Variants in CD7 observed in about 807,000 individuals in gnomAD.
CD7 encodes the protein T-cell antigen CD7.
A neutral mutation model predicts 17.6 loss-of-function variants in CD7; 19 were observed. The observed-to-expected ratio is 1.08, with a 90% CI of 0.75 to 1.58. The LOEUF is 1.58. Ranked by LOEUF, CD7 falls within the 40% of genes most tolerant of loss-of-function variation. The pLI, the probability that CD7 is intolerant of heterozygous loss-of-function variation, is 0.00. For missense variants in CD7, 291 were observed against 327.1 expected (o/e 0.89, Z 0.85); for synonymous variants, 160 against 159.8 (o/e 1.00, Z -0.01).
intron 1 of CD7, 37 bp downstream of exon 1, chr17:82,317,377 T>G (rs3176829): frequency 6.5e-7 from 1 of 1,533,480 alleles, no homozygotes; most frequent in Non-Finnish European, 8.8e-7. Flanking sequence ...GGGAGAGCTC[T>G]GGAGCTGTGG....
Position 82,316,821 on chromosome 17 carries a change from G to T in CD7, c.243C>A (p.Asp81Glu), listed in dbSNP as rs754450176. ...AGTCGATGCGGCCCCGGAACCGTCT[G>T]TCCGTAGTGGGCACCACCCCGTCCT... ...YYEDGVVPTTDRRFRGRIDFS... is the reference protein window; with the variant it reads ...YYEDGVVPTTERRFRGRIDFS... The change falls in exon 2 of 4, where the codon GAC becomes GAA. Residue 81 changes from aspartate to glutamate, a missense_variant. Physicochemically the swap from Asp to Glu is conservative, Grantham distance 45 (BLOSUM62 2). Transcript: ENST00000312648. 18 of 1,613,894 alleles carry T rather than the reference G, an allele frequency of 1.1e-5. No individual in the cohort carries two copies. Among genetic ancestry groups the T allele is most frequent in the Non-Finnish European group, 1.5e-5 (18 of 1,180,016 alleles).
In CD7 at chr17:82,316,751, G is replaced by A; in HGVS notation, c.313C>T (p.Gln105Ter). The change falls in exon 2 of 4, where the codon CAG (glutamine) becomes TAG (stop). Residue 105 changes from glutamine to a stop codon, truncating the protein, a stop_gained. Transcript: ENST00000312648. LOFTEE classifies it high-confidence loss of function. ...GTGTAGGTGCCAGTGTCCGACAGCT[G>A]CAGGCGGTGCATGGTGATAGTCAGG... ...DNLTITMHRLQLSDTGTYTCQ... is the reference protein window; with the variant it reads ...DNLTITMHRL 6.2e-7 allele frequency: 1 copy of A among 1,613,794 alleles called. No homozygotes were observed. The highest frequency in any genetic ancestry group is 8.5e-7 in the Non-Finnish European group (1 of 1,179,966).
chr17:82,316,419 A>G lies in CD7; in HGVS notation c.398-10T>C. On this transcript the variant is annotated splice_polypyrimidine_tract_variant and intron_variant, in intron 2 of 3. Coordinates refer to ENST00000312648, the MANE Select transcript of CD7 (RefSeq NM_006137.7). ...CCTTGGGACTGTTCCTCTGAGAAGG[A>G]AAAAAGAAGGAAGGGATTCTCCCGG... 1 of 1,550,452 alleles carries G rather than the reference A, an allele frequency of 6.4e-7. No homozygotes were observed. Among genetic ancestry groups the G allele is most frequent in the Non-Finnish European group, 8.7e-7 (1 of 1,148,850 alleles).
intron 3 of CD7, 64 bp downstream of exon 3, chr17:82,316,131 C>G (rs557283669): frequency 1.5e-5 from 22 of 1,492,890 alleles, no homozygotes; most frequent in Middle Eastern, 1.8e-4. Flanking sequence ...TGGCGCCCCC[C>G]ACGCTGCTCT....
In CD7 at chr17:82,316,694, C is replaced by G. The variant is rs375313424; in HGVS notation, c.370G>C (p.Gly124Arg). The change falls in exon 2 of 4, where the codon GGC becomes CGC. Residue 124 changes from glycine to arginine, a missense_variant. Gly to Arg is a moderately radical substitution (Grantham distance 125). Coordinates refer to ENST00000312648, the MANE Select transcript of CD7 (RefSeq NM_006137.7). ...GTCACCAGGACCAGGGTGCCGGAGC[C>G]GTAGACATTGACCTCCGTGATGGCC... The part of the protein sequence containing the change: ...CQAITEVNVY[G>R]SGTLVLVTEE... 1.2e-4 allele frequency: 201 copies of G among 1,612,908 alleles called. 3 individuals are homozygous for G. The South Asian group carries it at 2.1e-3, about 17-fold the overall frequency.
intron 3 of CD7, chr17:82,315,648 G>A: frequency 3.5e-6 from 2 of 564,312 alleles, no homozygotes; most frequent in Non-Finnish European, 6.4e-6. Context: ...AGTGGAAGTG[G>A]CTTGGACCCC....
chr17:82,315,092 G>A lies in CD7; in HGVS notation c.*229C>T. The A allele has an allele frequency of 2.0e-6, 1 of 507,878 alleles. No individual in the cohort carries two copies. The highest frequency in any genetic ancestry group is 3.6e-6 in the Non-Finnish European group (1 of 276,498). The allele number at this position is 507,878 out of a possible 1,614,324, so 31.5% of individuals were successfully genotyped here. ...CAGGCTTCCTCCCGGTGGCGGCGTG[G>A]GCTGGGCAGGGAAGGCTTCCCGGAG... On this transcript the variant is annotated 3_prime_UTR_variant, in exon 4 of 4. Coordinates refer to ENST00000312648, the MANE Select transcript of CD7 (RefSeq NM_006137.7).
chr17:82,316,215 A>G lies in CD7; in HGVS notation c.592T>C (p.Cys198Arg). 6.4e-7 allele frequency: 1 copy of G among 1,563,930 alleles called. No homozygotes were observed. The highest frequency in any genetic ancestry group is 8.7e-7 in the Non-Finnish European group (1 of 1,153,802). The part of the protein sequence containing the change: ...FLLGLGLGVA[C>R]VLARTQIKKL... ...CTGACCTGTGTCCTCGCCAGCACAC[A>G]CGCCACCCCCAGGCCCAGCCCGAGG... The change falls in exon 3 of 4, where the codon TGT becomes CGT. Residue 198 changes from cysteine (C) to arginine (R), a missense_variant. Transcript: ENST00000312648.
chr17:82,317,052 G>T, intron 1 of CD7, 71 bp from the exon 2 acceptor site: 1 of 1,383,160 alleles, frequency 7.2e-7, no homozygotes, highest in Non-Finnish European at 9.7e-7. Context: ...GCAGGGGACA[G>T]TGGTGGGGAT....
chr17:82,315,161 T>A lies in CD7; in HGVS notation c.*160A>T. On this transcript the variant is annotated 3_prime_UTR_variant, in exon 4 of 4. Transcript: ENST00000312648. ...GAGAAGCACCGTGGGGCCTGGCCAC[T>A]GCCTGTGTGTCTGCTTGGAGCTGGG... 1 of 607,746 alleles carries A rather than the reference T, an allele frequency of 1.6e-6. No individual in the cohort carries two copies. Among genetic ancestry groups the A allele is most frequent in the Non-Finnish European group, 3.0e-6 (1 of 334,828 alleles). The allele number at this position is 607,746 out of a possible 1,614,324, so 37.6% of individuals were successfully genotyped here. A position where few individuals can be genotyped will look rare whatever the true frequency, so the allele number is the denominator to read the frequency against.
At chr17:82,316,581 G>T (rs780307849) in intron 2 of CD7, 86 bp downstream of exon 2, 38 of 1,442,824 alleles carry the variant, frequency 2.6e-5, no homozygotes, top group South Asian at 1.0e-4. Context: ...ATGTAGGAGG[G>T]AGGGTCCCAC....
At chr17:82,315,962 C>CGCACACGA (rs539108300) in intron 3 of CD7, 1 of 640,404 alleles carries the variant, frequency 1.6e-6, no homozygotes, top group Non-Finnish European at 2.8e-6. Context: ...CCTGCACACG[C>CGCACACGA]GCACACGCGC....
chr17:82,316,712 T>C lies in CD7; in HGVS notation c.352A>G (p.Thr118Ala), dbSNP rs1200908125. Residue 118 changes from threonine to alanine, a missense_variant, in exon 2 of 4, where the codon ACG (threonine) becomes GCG (alanine). Coordinates refer to ENST00000312648, the MANE Select transcript of CD7 (RefSeq NM_006137.7). ...CCGGAGCCGTAGACATTGACCTCCG[T>C]GATGGCCTGGCAGGTGTAGGTGCCA... ...DTGTYTCQAI[T>A]EVNVYGSGTL... 1.7e-5 allele frequency: 27 copies of C among 1,613,458 alleles called. No individual in the cohort carries two copies. Among genetic ancestry groups the C allele is most frequent in the Non-Finnish European group, 2.1e-5 (25 of 1,179,982 alleles).
chr17:82,316,049 G>C, intron 3 of CD7, 146 bp downstream of exon 3: 1 of 893,670 alleles, frequency 1.1e-6, no homozygotes. Context: ...TCCCCGCCGA[G>C]GCCACTTCCA....
Position 82,315,446 on chromosome 17 carries a change from C to T in CD7, c.613-15G>A, listed in dbSNP as rs151281655. 519 of 1,604,584 alleles carry T rather than the reference C, an allele frequency of 3.2e-4. 4 individuals carry two copies. The East Asian group carries it at 0.011, about 35-fold the overall frequency. ...AGTTTCTTTATCTGAAAGACAGAACCGCCGTCTCCAACCAGTGGCCAGCGT... is the reference window on the plus strand; with the variant it reads ...AGTTTCTTTATCTGAAAGACAGAACTGCCGTCTCCAACCAGTGGCCAGCGT... On this transcript the variant is annotated splice_polypyrimidine_tract_variant and intron_variant, in intron 3 of 3. Transcript: ENST00000312648.
At chr17:82,317,322 G>T in intron 1 of CD7, 92 bp downstream of exon 1, 1 of 1,255,090 alleles carries the variant, frequency 8.0e-7, no homozygotes. Flanking sequence ...CGCTTCCTGG[G>T]GGCTGTGCTG....
Position 82,317,556 on chromosome 17 carries a change from G to T in CD7, c.-61C>A. On this transcript the variant is annotated 5_prime_UTR_variant, in exon 1 of 4. Transcript: ENST00000312648. The stretch of plus-strand genomic sequence containing the variant: ...CAGCTGAGCCTCTCTGGGTCTACAG[G>T]ACCCCACAGAGAGCAGCACACAGGA... 1 of 1,448,232 alleles carries T rather than the reference G, an allele frequency of 6.9e-7. No homozygotes were observed. The highest frequency in any genetic ancestry group is 9.3e-7 in the Non-Finnish European group (1 of 1,072,838). 89.7% of individuals were successfully genotyped at this position (1,448,232 alleles called of 1,614,324 possible). A position where few individuals can be genotyped will look rare whatever the true frequency, so the allele number is the denominator to read the frequency against.
At position 82,317,463 on chromosome 17, in the gene CD7, G is replaced by A; in HGVS notation, c.33C>T (p.Pro11=). 2 of 1,575,584 alleles carry A rather than the reference G, an allele frequency of 1.3e-6. No homozygotes were observed. The highest frequency in any genetic ancestry group is 1.2e-5 in the South Asian group (1 of 86,170). The change falls in exon 1 of 4, where the codon CCC becomes CCT. Residue 11 remains proline, a synonymous_variant. Coordinates refer to ENST00000312648, the MANE Select transcript of CD7 (RefSeq NM_006137.7). ...GGCCGCGAGCCAGCGCCAGAAGCAGGGGCAGCAGCAGGAGCCTCGGAGGCC... is the reference window on the plus strand; with the variant it reads ...GGCCGCGAGCCAGCGCCAGAAGCAGAGGCAGCAGCAGGAGCCTCGGAGGCC... MAGPPRLLLL[P]LLLALARGLP...
Position 82,315,259 on chromosome 17 carries a change from G to C in CD7, c.*62C>G. 1.2e-6 allele frequency: 1 copy of C among 860,904 alleles called. No homozygotes were observed. The highest frequency in any genetic ancestry group is 1.8e-6 in the Non-Finnish European group (1 of 568,856). 53.3% of individuals were successfully genotyped at this position (860,904 alleles called of 1,614,324 possible). A position where few individuals can be genotyped will look rare whatever the true frequency, so the allele number is the denominator to read the frequency against. ...GGTGAGGGGTGTGGCAGGGTGGGGG[G>C]CATGGTGGGGCAGGGAAGGTGCTGG... On this transcript the variant is annotated 3_prime_UTR_variant, in exon 4 of 4. Transcript: ENST00000312648.
Sources: allele counts gnomAD v4.1 joint callset, GRCh38; gene constraint gnomAD v4.1.1; transcripts MANE v1.5; gene names NCBI Gene and HGNC (gene_info 2026-07-23, HGNC 2026-07-21).